DAB1: variants seen among roughly 807,000 people sequenced by gnomAD.
DAB1 encodes DAB adaptor protein 1.
DAB1 carries 15 observed loss-of-function variants against 64.6 expected under a neutral mutation model. That is an observed-to-expected ratio of 0.23 (90% CI 0.16 to 0.36). The LOEUF (loss-of-function observed/expected upper bound fraction) is 0.36. DAB1 is among the 10% of genes least tolerant of loss of function. DAB1 has a pLI of 1.00. For synonymous variants in DAB1, 235 were observed against 251.9 expected (o/e 0.93, Z 0.64); for missense variants, 596 against 706.7 (o/e 0.84, Z 1.78).
intron 7 of DAB1, among the ~76,000 whole-genome samples, chr1:57,457,460 A>G (rs1000638436): frequency 1.3e-5 from 2 of 152,192 alleles, no homozygotes; most frequent in African/African-American, 4.8e-5. Flanking sequence ...GTGCTATAGA[A>G]CAAGGAAACA....
At position 57,072,258 on chromosome 1, in the gene DAB1, T is replaced by A. The variant is rs771205333; in HGVS notation, c.438+25A>T. ...TCCCCCCAGAGTTCCAAGGAAAGAC[T>A]CCCTTCTTGGATAGGGATACTCACC... On this transcript the variant is annotated intron_variant, in intron 5 of 14. Transcript: ENST00000371236. The A allele has an allele frequency of 5.6e-6, 9 of 1,611,720 alleles. No individual in the cohort carries two copies. In the South Asian group the frequency reaches 9.9e-5, roughly 18 times the overall value.
intron 3 of DAB1, among the ~76,000 whole-genome samples, chr1:58,412,503 A>G (rs1644681255): frequency 6.6e-6 from 1 of 152,256 alleles, no homozygotes; most frequent in Non-Finnish European, 1.5e-5. Context: ...GATTGCAGCC[A>G]GAAGCAAAGG....
intron 1 of DAB1, among the ~76,000 whole-genome samples, chr1:57,352,345 T>G (rs1390767746): frequency 6.6e-6 from 1 of 152,200 alleles, no homozygotes; most frequent in Non-Finnish European, 1.5e-5. Flanking sequence ...GTACAGTAGA[T>G]GACAAATAGT....
At chr1:58,259,938 C>A (rs1362245319) in intron 4 of DAB1, among the ~76,000 whole-genome samples, 1 of 152,132 alleles carries the variant, frequency 6.6e-6, no homozygotes, top group Non-Finnish European at 1.5e-5. Flanking sequence ...CATATTAAAC[C>A]ATTTAACCTT....
intron 7 of DAB1, among the ~76,000 whole-genome samples, chr1:57,641,567 G>A (rs1483216958): frequency 2.0e-5 from 3 of 151,592 alleles, no homozygotes; most frequent in Non-Finnish European, 4.4e-5. Flanking sequence ...TGTACTTTTA[G>A]TAGAGACAGG....
At chr1:57,433,001 T>G (rs1685570297) in intron 7 of DAB1, among the ~76,000 whole-genome samples, 1 of 152,132 alleles carries the variant, frequency 6.6e-6, no homozygotes, top group Admixed American at 6.5e-5. Context: ...AGAAATACAT[T>G]GAACAAAAGT....
At chr1:58,386,827 A>G (rs989155697) in intron 3 of DAB1, among the ~76,000 whole-genome samples, 2 of 152,216 alleles carry the variant, frequency 1.3e-5, no homozygotes, top group Non-Finnish European at 2.9e-5. Context: ...TGGGAGGCCG[A>G]GGCAGGTGGA....
chr1:57,169,783 T>A (rs946555041), intron 2 of DAB1, among the ~76,000 whole-genome samples: 2 of 152,060 alleles, frequency 1.3e-5, no homozygotes, highest in African/African-American at 4.8e-5. Context: ...AGAGTCTCCT[T>A]TTCCCCTGAT....
chr1:57,292,067 T>C (rs1386115417), intron 1 of DAB1, among the ~76,000 whole-genome samples: 3 of 152,160 alleles, frequency 2.0e-5, no homozygotes, highest in African/African-American at 7.2e-5. Flanking sequence ...TTTCACCAAT[T>C]TCCACTTTTG....
intron 5 of DAB1, among the ~76,000 whole-genome samples, chr1:58,116,045 AAAAT>A (rs1652315152): frequency 2.0e-5 from 3 of 151,772 alleles, no homozygotes; most frequent in African/African-American, 7.2e-5. Context: ...AAAATAAAAA[AAAAT>A]AAATAAATTA....
chr1:57,552,415 G>A (rs993898030), intron 7 of DAB1, among the ~76,000 whole-genome samples: 20 of 152,202 alleles, frequency 1.3e-4, no homozygotes, highest in African/African-American at 4.1e-4. Flanking sequence ...ATTATAATTC[G>A]GCATGGCTGG....
intron 9 of DAB1, among the ~76,000 whole-genome samples, chr1:57,049,646 G>C (rs888219111): frequency 6.6e-6 from 1 of 151,674 alleles, no homozygotes; most frequent in East Asian, 1.9e-4. Context: ...AACTCATCTC[G>C]CTTTTTCATC....
chr1:58,525,811 C>T (rs1321314656), intron 2 of DAB1, among the ~76,000 whole-genome samples: 2 of 152,052 alleles, frequency 1.3e-5, no homozygotes, highest in South Asian at 2.1e-4. Flanking sequence ...CAGGTATCAA[C>T]ACTTACTACA....
intron 1 of DAB1, among the ~76,000 whole-genome samples, chr1:57,342,656 T>C (rs1220696498): frequency 6.6e-6 from 1 of 152,186 alleles, no homozygotes; most frequent in Non-Finnish European, 1.5e-5. Flanking sequence ...GCAGTGAGTG[T>C]TACAGTTCTT....
At chr1:57,454,098 T>C (rs977119959) in intron 7 of DAB1, among the ~76,000 whole-genome samples, 1 of 152,158 alleles carries the variant, frequency 6.6e-6, no homozygotes, top group Non-Finnish European at 1.5e-5. Context: ...TGGGTTAGGT[T>C]TACTATGCCA....
At chr1:57,172,136 GTCTA>G (rs1322264819) in intron 2 of DAB1, among the ~76,000 whole-genome samples, 27 of 152,280 alleles carry the variant, frequency 1.8e-4, no homozygotes, top group South Asian at 6.2e-4. Context: ...CTCCCTGTGT[GTCTA>G]TCTGTGTGTC....
At chr1:58,276,189 A>G (rs1661438329) in intron 4 of DAB1, among the ~76,000 whole-genome samples, 1 of 152,196 alleles carries the variant, frequency 6.6e-6, no homozygotes, top group Non-Finnish European at 1.5e-5. Flanking sequence ...TTTACTTAAT[A>G]CAGAGTTTCA....
chr1:57,918,560 C>T (rs1644763258), intron 5 of DAB1, among the ~76,000 whole-genome samples: 1 of 152,162 alleles, frequency 6.6e-6, no homozygotes, highest in Admixed American at 6.5e-5. Context: ...CGCGGTGGCT[C>T]ACACCTGTAA....
chr1:58,007,746 G>T (rs1646607348), intron 5 of DAB1, among the ~76,000 whole-genome samples: 1 of 152,066 alleles, frequency 6.6e-6, no homozygotes, highest in South Asian at 2.1e-4. Context: ...CCTACCTAAG[G>T]GTCTGGACGC....
Sources: allele counts gnomAD v4.1 joint callset (sites outside exome capture counted in the v4.1 genomes callset), GRCh38; gene constraint gnomAD v4.1.1; transcripts MANE v1.5; gene names NCBI Gene and HGNC (gene_info 2026-07-23, HGNC 2026-07-21).